The following SRGAP1 variants were observed in gnomAD, a reference collection of about 807,000 sequenced individuals.
The protein encoded by SRGAP1 is SLIT-ROBO Rho GTPase activating protein 1.
SRGAP1 carries 43 observed loss-of-function variants against 121.9 expected under a neutral mutation model. The observed-to-expected ratio is 0.35, with a 90% CI of 0.28 to 0.46. The LOEUF is 0.46. SRGAP1 is among the 20% of genes least tolerant of loss of function. SRGAP1 has a pLI of 1.00. For missense variants in SRGAP1, 1,102 were observed against 1,350.9 expected, an observed-to-expected ratio of 0.82 and a Z score of 2.89; for synonymous variants, 447 against 485.4, an observed-to-expected ratio of 0.92 and a Z score of 1.04.
intron 1 of SRGAP1, among the ~76,000 whole-genome samples, chr12:63,944,017 GT>G (rs2031955158): frequency 6.6e-6 from 1 of 152,170 alleles, no homozygotes; most frequent in South Asian, 2.1e-4. Context: ...ATATGTACAT[GT>G]TAGGTCCTGC....
intron 3 of SRGAP1, among the ~76,000 whole-genome samples, chr12:64,007,705 T>C (rs2034127785): frequency 6.6e-6 from 1 of 152,110 alleles, no homozygotes; most frequent in African/African-American, 2.4e-5. Context: ...TTAAGACCAA[T>C]TGGAGGAACT....
At chr12:64,057,104 A>C (rs1299966120) in intron 6 of SRGAP1, among the ~76,000 whole-genome samples, 2 of 152,116 alleles carry the variant, frequency 1.3e-5, no homozygotes, top group African/African-American at 4.8e-5. Flanking sequence ...TGGGTGGGTG[A>C]TGTGTTAGGC....
intron 1 of SRGAP1, among the ~76,000 whole-genome samples, chr12:63,852,216 C>T (rs1899099424): frequency 1.3e-5 from 2 of 152,024 alleles, no homozygotes; most frequent in Admixed American, 1.3e-4. Flanking sequence ...TTCAAACTCC[C>T]AAACTCAAGT....
chr12:63,960,631 A>C (rs1397196017), intron 1 of SRGAP1, among the ~76,000 whole-genome samples: 1 of 152,198 alleles, frequency 6.6e-6, no homozygotes, highest in Admixed American at 6.5e-5. Flanking sequence ...ATCTGTGAAC[A>C]TCACCTTATA....
chr12:64,107,913 A>T (rs551180968), intron 15 of SRGAP1, among the ~76,000 whole-genome samples: 2 of 152,328 alleles, frequency 1.3e-5, no homozygotes, highest in South Asian at 4.1e-4. Context: ...AAGAAAGGCA[A>T]CCAGACTTAT....
chr12:63,892,314 G>A (rs1900613751), intron 1 of SRGAP1, among the ~76,000 whole-genome samples: 1 of 152,024 alleles, frequency 6.6e-6, no homozygotes, highest in South Asian at 2.1e-4. Flanking sequence ...AAACAGCCCT[G>A]AAAAATAATG....
At position 64,115,395 on chromosome 12, in the gene SRGAP1, C is replaced by A. The variant is rs73321337; in HGVS notation, c.2145-419C>A. 2.1e-3 allele frequency among the ~76,000 whole-genome samples: 325 copies of A among 152,294 alleles called. 1 individual carries two copies. The highest frequency in any genetic ancestry group is 7.3e-3 in the African/African-American group (303 of 41,564). On this transcript the variant is annotated intron_variant, in intron 17 of 21. Coordinates refer to ENST00000355086, the MANE Select transcript of SRGAP1 (RefSeq NM_020762.4). ...AATGGAGGTGCCAGGATTCCATTGA[C>A]AACTATCCAATTACTCTTTTGTCCT...
chr12:64,052,979 A>C (rs2035266128), intron 6 of SRGAP1, among the ~76,000 whole-genome samples: 1 of 152,188 alleles, frequency 6.6e-6, no homozygotes, highest in Admixed American at 6.6e-5. Context: ...TCTTTCCAAC[A>C]ATTTTTTAGA....
intron 18 of SRGAP1, among the ~76,000 whole-genome samples, chr12:64,124,487 A>G (rs1004749821): frequency 5.3e-5 from 8 of 152,250 alleles, no homozygotes; most frequent in South Asian, 2.1e-4. Flanking sequence ...TTGCATAGGC[A>G]TATTCCTGTA....
At chr12:64,139,289 G>A (rs2036919046) in intron 21 of SRGAP1, among the ~76,000 whole-genome samples, 2 of 152,312 alleles carry the variant, frequency 1.3e-5, no homozygotes, top group East Asian at 1.9e-4. Context: ...AACTGTATCA[G>A]GGGAAGACTT....
At chr12:64,073,796 G>C (rs1278034825) in intron 8 of SRGAP1, among the ~76,000 whole-genome samples, 13 of 149,402 alleles carry the variant, frequency 8.7e-5, no homozygotes, top group Non-Finnish European at 1.9e-4. Context: ...AAACCTGACT[G>C]TATTTGAAGA....
chr12:64,160,414 A>G lies in SRGAP1; in HGVS notation c.*17742A>G, dbSNP rs1486134067. 6.6e-6 allele frequency: 1 copy of G among 152,242 alleles called. No individual in the cohort carries two copies. Among genetic ancestry groups the G allele is most frequent in the Non-Finnish European group, 1.5e-5 (1 of 68,034 alleles). 9.4% of individuals were successfully genotyped at this position (152,242 alleles called of 1,614,324 possible). A position where few individuals can be genotyped will look rare whatever the true frequency, so the allele number is the denominator to read the frequency against. On this transcript the variant is annotated 3_prime_UTR_variant, in exon 22 of 22. Transcript: ENST00000355086. ...TACTTAGGATGTTAACTTAAAATCA[A>G]TGTGGTCAAGGAAAGGAGGAAAAAT... is the stretch of plus-strand genomic sequence containing the variant.
At chr12:63,945,368 A>G (rs1478873994) in intron 1 of SRGAP1, among the ~76,000 whole-genome samples, 1 of 151,914 alleles carries the variant, frequency 6.6e-6, no homozygotes. Flanking sequence ...TGCACCCATC[A>G]ACCCGTCATC....
chr12:64,108,011 T>G (rs1430395895), intron 15 of SRGAP1, among the ~76,000 whole-genome samples: 1 of 152,192 alleles, frequency 6.6e-6, no homozygotes, highest in Non-Finnish European at 1.5e-5. Flanking sequence ...CCCGCTGACC[T>G]TGGGTATGCC....
intron 1 of SRGAP1, among the ~76,000 whole-genome samples, chr12:63,856,754 T>G (rs1899265536): frequency 6.6e-6 from 1 of 152,262 alleles, no homozygotes; most frequent in African/African-American, 2.4e-5. Context: ...GTCTTCTTTT[T>G]CAGAAGTATC....
chr12:64,015,167 T>G (rs907682707), intron 3 of SRGAP1, among the ~76,000 whole-genome samples: 18 of 152,264 alleles, frequency 1.2e-4, no homozygotes, highest in African/African-American at 4.3e-4. Flanking sequence ...TGAGCAGAGT[T>G]AGTTGGTGGC....
In SRGAP1 at chr12:63,946,178, A is replaced by T. The variant is rs192776892; in HGVS notation, c.68-37769A>T. Among the ~76,000 whole-genome samples, 55 of 152,346 alleles carry T rather than the reference A, an allele frequency of 3.6e-4. No homozygotes were observed. In the East Asian group the frequency reaches 8.5e-3, roughly 24 times the overall value. ...TTTGTAATGAACAAGAAACAAGCCA[A>T]CAAAATAATGGGGAAGATCTGGTTT... is the stretch of plus-strand genomic sequence containing the variant. On this transcript the variant is annotated intron_variant, in intron 1 of 21. Transcript: ENST00000355086.
chr12:64,002,663 T>C (rs1290645668), intron 3 of SRGAP1, among the ~76,000 whole-genome samples: 1 of 152,160 alleles, frequency 6.6e-6, no homozygotes, highest in African/African-American at 2.4e-5. Context: ...ATAGGAGCAT[T>C]GTGTGAGTTC....
chr12:63,972,678 A>T (rs182591212), intron 1 of SRGAP1, among the ~76,000 whole-genome samples: 9 of 152,362 alleles, frequency 5.9e-5, no homozygotes, highest in Non-Finnish European at 1.0e-4. Context: ...TCAAAACTTT[A>T]TGTTAATTAG....
Sources: gnomAD v4.1 joint callset for allele counts (sites outside exome capture counted in the v4.1 genomes callset) on GRCh38, gnomAD v4.1.1 for gene constraint, MANE v1.5 for transcripts, NCBI Gene and HGNC (gene_info 2026-07-23, HGNC 2026-07-21) for gene names.